ANAPC7: variants seen among roughly 807,000 people sequenced by gnomAD.
ANAPC7 encodes anaphase promoting complex subunit 7.
Under a neutral mutation model 63.3 loss-of-function variants are expected in ANAPC7, and 25 were observed. The ratio of observed to expected loss-of-function variants is 0.39; its 90% confidence interval spans 0.29 to 0.55. ANAPC7 has a LOEUF of 0.55. Among genes scored for constraint, ANAPC7 ranks in the 20% least tolerant of loss-of-function variants. ANAPC7 has a pLI of 0.57. For missense variants in ANAPC7, 516 were observed against 691.7 expected, an observed-to-expected ratio of 0.75 and a Z score of 2.85; for synonymous variants, 241 against 251.7, an observed-to-expected ratio of 0.96 and a Z score of 0.40.
intron 3 of ANAPC7, among the ~76,000 whole-genome samples, chr12:110,393,263 T>C (rs1883258615): frequency 6.6e-6 from 1 of 152,164 alleles, no homozygotes; most frequent in African/African-American, 2.4e-5. Context: ...TGTACACCTA[T>C]GGAAGGCAAA....
In ANAPC7 at chr12:110,403,532, G is replaced by A. The variant is rs1566283575; in HGVS notation, c.96C>T (p.Asn32=). 2 of 1,600,334 alleles carry A rather than the reference G, an allele frequency of 1.2e-6. No homozygotes were observed. Among genetic ancestry groups the A allele is most frequent in the Non-Finnish European group, 1.7e-6 (2 of 1,174,318 alleles). Residue 32 remains asparagine, a synonymous_variant, in exon 1 of 11, where the codon AAC becomes AAT. Transcript: ENST00000455511. ...AGCTACCCGCCTCAACTCACGGGTT[G>A]TTATTACTCATTGTAAGTAACAAGC... ...LSSLLLTMSN[N]NPELFSPPQK...
chr12:110,383,057 GCCCC>G lies in ANAPC7; in HGVS notation c.818-101_818-98del, dbSNP rs2137938034. On this transcript the variant is annotated intron_variant, in intron 6 of 10. Coordinates refer to ENST00000455511, the MANE Select transcript of ANAPC7 (RefSeq NM_016238.3). ...ACCCAACATCAGACCCCATGCTGAG[GCCCC>G]AGCTCCTGCAGGGGCTAAGCCCTTT... The G allele has an allele frequency of 4.8e-6, 4 of 831,528 alleles. 1 individual carries two copies. The South Asian group carries it at 6.9e-5, about 14-fold the overall frequency. The allele number at this position is 831,528 out of a possible 1,614,324, so 51.5% of individuals were successfully genotyped here.
chr12:110,384,554 C>A (rs1882275355), intron 6 of ANAPC7, among the ~76,000 whole-genome samples: 1 of 151,688 alleles, frequency 6.6e-6, no homozygotes, highest in African/African-American at 2.4e-5. Context: ...GGCGTGGTGG[C>A]ACACACCTGT....
At chr12:110,392,287 G>A (rs1883168045) in intron 3 of ANAPC7, among the ~76,000 whole-genome samples, 1 of 152,030 alleles carries the variant, frequency 6.6e-6, no homozygotes, top group Admixed American at 6.6e-5. Flanking sequence ...ACTTTCAAGT[G>A]TTTTTAATAG....
chr12:110,392,262 G>A (rs915240607), intron 3 of ANAPC7, among the ~76,000 whole-genome samples: 1 of 152,082 alleles, frequency 6.6e-6, no homozygotes, highest in Non-Finnish European at 1.5e-5. Flanking sequence ...GATGAGAGAG[G>A]TTAATTCATA....
At position 110,384,981 on chromosome 12, in the gene ANAPC7, G is replaced by A. The variant is rs75531218; in HGVS notation, c.817+1346C>T. The stretch of plus-strand genomic sequence containing the variant: ...GCAGTTCATTAAAGATCACTGCCTC[G>A]GGCTGGGTGCAGTGGCTCAGGCCTG... On this transcript the variant is annotated intron_variant, in intron 6 of 10. Coordinates refer to ENST00000455511, the MANE Select transcript of ANAPC7 (RefSeq NM_016238.3). 6.9e-3 allele frequency among the ~76,000 whole-genome samples: 1,047 copies of A among 152,186 alleles called. 1 individual carries two copies. The highest frequency in any genetic ancestry group is 9.4e-3 in the Non-Finnish European group (641 of 68,006).
rs1363778882 is a variant in ANAPC7 at position 110,396,428 on chromosome 12, C to T, written c.126G>A (p.Lys42=). The T allele has an allele frequency of 1.9e-6, 3 of 1,610,662 alleles. No homozygotes were observed. The highest frequency in any genetic ancestry group is 2.5e-6 in the Non-Finnish European group (3 of 1,179,214). ...NNPELFSPPQ[K]YQLLVYHADS... ...CTGCATGATACACCAAAAGCTGGTA[C>T]TTCTGAGGTGGGGAGAATAACTCAC... is the stretch of plus-strand genomic sequence containing the variant. Residue 42 remains lysine (K), a synonymous_variant, in exon 2 of 11, where the codon AAG becomes AAA. Transcript: ENST00000455511.
At chr12:110,402,143 C>G (rs1466275531) in intron 1 of ANAPC7, among the ~76,000 whole-genome samples, 2 of 150,694 alleles carry the variant, frequency 1.3e-5, no homozygotes, top group Admixed American at 1.3e-4. Flanking sequence ...CCACTCAACT[C>G]CAGCATGGGC....
chr12:110,401,950 C>CAAAAAAAAAAAAAAAAAAAAA (rs747810973), intron 1 of ANAPC7, among the ~76,000 whole-genome samples: 1 of 46,108 alleles, frequency 2.2e-5, no homozygotes, highest in African/African-American at 7.6e-5. Flanking sequence ...GACTCCGTCT[C>CAAAAAAAAAAAAAAAAAAAAA]AAAAAAAAAA....
At chr12:110,388,810 G>A (rs1417491934) in intron 3 of ANAPC7, among the ~76,000 whole-genome samples, 187 bp from the exon 4 acceptor site, 2 of 152,176 alleles carry the variant, frequency 1.3e-5, no homozygotes, top group Non-Finnish European at 2.9e-5. Flanking sequence ...GCCAGGTGCA[G>A]TGGCTCACGC....
intron 2 of ANAPC7, 74 bp downstream of exon 2, chr12:110,396,191 TG>T: frequency 2.2e-6 from 3 of 1,385,970 alleles, no homozygotes; most frequent in Non-Finnish European, 3.0e-6. Context: ...CACTGGGGCC[TG>T]GGGACCCTGT....
intron 6 of ANAPC7, among the ~76,000 whole-genome samples, chr12:110,385,895 T>A (rs1423631316): frequency 6.6e-6 from 1 of 152,202 alleles, no homozygotes; most frequent in Non-Finnish European, 1.5e-5. Flanking sequence ...GATTTTTCTG[T>A]TGTTCACGCC....
chr12:110,384,705 C>A (rs866225450), intron 6 of ANAPC7, among the ~76,000 whole-genome samples: 1 of 150,602 alleles, frequency 6.6e-6, no homozygotes, highest in Non-Finnish European at 1.5e-5. Flanking sequence ...ACAAAAAAAA[C>A]AAAAAACCAA....
Position 110,372,987 on chromosome 12 carries a change from G to A in ANAPC7, c.*1157C>T, listed in dbSNP as rs1880964789. On this transcript the variant is annotated 3_prime_UTR_variant, in exon 11 of 11. Transcript: ENST00000455511. The stretch of plus-strand genomic sequence containing the variant: ...TTACAGTTTTTACATTTTAGGATAC[G>A]ACTTTCTACTGACATCAAATTTATA... 6.6e-6 allele frequency: 1 copy of A among 152,130 alleles called. No homozygotes were observed. Among genetic ancestry groups the A allele is most frequent in the African/African-American group, 2.4e-5 (1 of 41,428 alleles). The allele number at this position is 152,130 out of a possible 1,614,324, so 9.4% of individuals were successfully genotyped here. A position where few individuals can be genotyped will look rare whatever the true frequency, so the allele number is the denominator to read the frequency against.
chr12:110,387,259 G>GAGAC (rs1882572604), intron 5 of ANAPC7: 4 of 96,278 alleles, frequency 4.2e-5, no homozygotes, highest in African/African-American at 1.6e-4. Flanking sequence ...GAGAGACAGA[G>GAGAC]AGAGAGAGAG....
intron 5 of ANAPC7, 141 bp downstream of exon 5, chr12:110,387,598 A>G (rs930679243): frequency 6.3e-6 from 6 of 953,324 alleles, no homozygotes; most frequent in Non-Finnish European, 9.5e-6. Context: ...ACCATTCAGT[A>G]TAAAAGACTA....
intron 8 of ANAPC7, among the ~76,000 whole-genome samples, chr12:110,379,755 T>C (rs1054462801): frequency 6.6e-6 from 1 of 152,222 alleles, no homozygotes; most frequent in Non-Finnish European, 1.5e-5. Context: ...CCTAGACTCC[T>C]AGGTTTATTT....
At chr12:110,393,095 G>A (rs957478324) in intron 3 of ANAPC7, among the ~76,000 whole-genome samples, 5 of 151,842 alleles carry the variant, frequency 3.3e-5, no homozygotes, top group Non-Finnish European at 5.9e-5. Context: ...ATGCCCAGCC[G>A]ACACCAGATC....
chr12:110,401,845 G>A (rs1233244855), intron 1 of ANAPC7, among the ~76,000 whole-genome samples: 2 of 151,662 alleles, frequency 1.3e-5, no homozygotes, highest in Non-Finnish European at 2.9e-5. Context: ...GCGGTGGCGG[G>A]CGCCTGTAGT....
Sources: allele counts gnomAD v4.1 joint callset (sites outside exome capture counted in the v4.1 genomes callset), GRCh38; gene constraint gnomAD v4.1.1; transcripts MANE v1.5; gene names NCBI Gene and HGNC (gene_info 2026-07-23, HGNC 2026-07-21).